Variants in FAM13C observed in about 807,000 individuals in gnomAD.
FAM13C encodes the protein protein FAM13C.
FAM13C carries 37 observed loss-of-function variants against 73.2 expected under a neutral mutation model. The ratio of observed to expected loss-of-function variants is 0.51; its 90% CI spans 0.39 to 0.67. The LOEUF is 0.67. FAM13C is among the 30% of genes least tolerant of loss of function. The probability of loss-of-function intolerance (pLI) is 0.00; values close to 1 mark genes in which losing one functional copy is unlikely to be tolerated. For missense variants in FAM13C, 589 were observed against 715.6 expected (o/e 0.82, Z 2.02); for synonymous variants, 246 against 260.9 (o/e 0.94, Z 0.55).
rs1405347074 is a variant in FAM13C at position 59,302,870 on chromosome 10, A to C, written c.444-6T>G. On this transcript the variant is annotated splice_region_variant and splice_polypyrimidine_tract_variant and intron_variant, in intron 4 of 13. Transcript: ENST00000618804. ...TGGCAGTCCTCTGGTCTATTCTATA[A>C]AATACAAAGAAAAATTATTTCCATT... 2.5e-6 allele frequency: 4 copies of C among 1,611,148 alleles called. No homozygotes were observed. In the Admixed American group the frequency reaches 6.7e-5, roughly 27 times the overall value.
intron 3 of FAM13C, among the ~76,000 whole-genome samples, chr10:59,345,708 T>TC (rs1854207813): frequency 6.6e-6 from 1 of 152,082 alleles, no homozygotes; most frequent in Non-Finnish European, 1.5e-5. Context: ...CAGAGCCCTG[T>TC]CCCCCGAATC....
At chr10:59,278,111 C>G (rs1473962560) in intron 6 of FAM13C, among the ~76,000 whole-genome samples, 2 of 152,158 alleles carry the variant, frequency 1.3e-5, no homozygotes, top group African/African-American at 4.8e-5. Flanking sequence ...GGAAACTCCC[C>G]TTTTGAAAAC....
Position 59,345,565 on chromosome 10 carries a change from C to T in FAM13C, c.324+6705G>A, listed in dbSNP as rs560706226. ...CCCTCCTAAAAATACCATTTTTCAT[C>T]GGCTTAATCATTAAGCCTTAACAAT... On this transcript the variant is annotated intron_variant, in intron 3 of 13. Coordinates refer to ENST00000618804, the MANE Select transcript of FAM13C (RefSeq NM_198215.4). Among the ~76,000 whole-genome samples, 18 of 152,258 alleles carry T rather than the reference C, an allele frequency of 1.2e-4. 1 individual carries two copies. The South Asian group carries it at 1.2e-3, about 11-fold the overall frequency.
At chr10:59,293,069 CTTTTTTTTTTTTTTT>C (rs148715812) in intron 5 of FAM13C, among the ~76,000 whole-genome samples, 1 of 109,538 alleles carries the variant, frequency 9.1e-6, no homozygotes, top group African/African-American at 3.9e-5. Context: ...TTTTCTTTTT[CTTTTTTTTTTTTTTT>C]TTTTTTTGAG....
chr10:59,353,251 T>C (rs1855305058), intron 2 of FAM13C, among the ~76,000 whole-genome samples: 1 of 152,170 alleles, frequency 6.6e-6, no homozygotes, highest in Admixed American at 6.5e-5. Flanking sequence ...TACAATTTTC[T>C]CAAAAATACT....
chr10:59,335,199 AT>A (rs1852558724), intron 3 of FAM13C, among the ~76,000 whole-genome samples: 1 of 152,196 alleles, frequency 6.6e-6, no homozygotes, highest in South Asian at 2.1e-4. Context: ...AGTAGAATAT[AT>A]TCCCCCAGAG....
intron 10 of FAM13C, 94 bp downstream of exon 10, chr10:59,262,340 G>C: frequency 8.8e-7 from 1 of 1,136,756 alleles, no homozygotes; most frequent in Admixed American, 2.2e-5. Context: ...TAAAAATATT[G>C]ATGTAATGGC....
In FAM13C at chr10:59,338,286, C is replaced by T. The variant is rs1853013658; in HGVS notation, c.324+13984G>A. Reference sequence around the variant, plus strand: ...ACTGCCTGTTCCTCTCACTGTTTCCCCAGGACAGATAACATGCCTGTCCCA... The same window carrying T: ...ACTGCCTGTTCCTCTCACTGTTTCCTCAGGACAGATAACATGCCTGTCCCA... On this transcript the variant is annotated intron_variant, in intron 3 of 13. Transcript: ENST00000618804. Among the ~76,000 whole-genome samples the T allele has an allele frequency of 5.9e-5, 9 of 152,102 alleles. No homozygotes were observed. The South Asian group carries it at 1.4e-3, about 24-fold the overall frequency.
At chr10:59,362,596 T>G (rs1856550497), upstream of FAM13C, 2 of 1,503,362 alleles carry the variant, frequency 1.3e-6, no homozygotes, top group Non-Finnish European at 1.8e-6. Context: ...TGTCTGCACA[T>G]GCTCGTAACG....
At chr10:59,294,664 T>C (rs965645850) in intron 5 of FAM13C, among the ~76,000 whole-genome samples, 1 of 152,216 alleles carries the variant, frequency 6.6e-6, no homozygotes, top group African/African-American at 2.4e-5. Context: ...CATTCAGAAC[T>C]TTTTTGCCAT....
rs183021685 is a variant in FAM13C, at chr10:59,296,437, A to T, written c.507+6364T>A. 1.2e-3 allele frequency among the ~76,000 whole-genome samples: 190 copies of T among 152,338 alleles called. 1 individual carries two copies. Among genetic ancestry groups the T allele is most frequent in the African/African-American group, 4.4e-3 (185 of 41,582 alleles). ...AAAGTTTAGTTATTATGACCAGCAT[A>T]ATTGAACAGATAAGAGTTAACAGTA... On this transcript the variant is annotated intron_variant, in intron 5 of 13. Transcript: ENST00000618804.
chr10:59,294,609 T>C (rs889772695), intron 5 of FAM13C, among the ~76,000 whole-genome samples: 4 of 152,194 alleles, frequency 2.6e-5, no homozygotes, highest in Admixed American at 2.6e-4. Context: ...GCAGGCTAGA[T>C]ACCTGCATCT....
chr10:59,254,022 T>C (rs970977549), intron 11 of FAM13C: 1 of 314,764 alleles, frequency 3.2e-6, no homozygotes, highest in Non-Finnish European at 5.7e-6. Context: ...AAAGGCTCTG[T>C]TTTGTCTAGC....
chr10:59,337,407 C>T (rs1278849935), intron 3 of FAM13C, among the ~76,000 whole-genome samples: 1 of 152,198 alleles, frequency 6.6e-6, no homozygotes, highest in Non-Finnish European at 1.5e-5. Context: ...GCTGACTTGC[C>T]TGGGCATGTG....
At chr10:59,316,541 C>T (rs1849549696) in intron 4 of FAM13C, among the ~76,000 whole-genome samples, 1 of 152,088 alleles carries the variant, frequency 6.6e-6, no homozygotes, top group African/African-American at 2.4e-5. Flanking sequence ...CGTTGTTGTG[C>T]AAACACCACA....
At chr10:59,324,489 TATGA>T (rs1456655395) in intron 3 of FAM13C, among the ~76,000 whole-genome samples, 1 of 151,966 alleles carries the variant, frequency 6.6e-6, no homozygotes, top group Non-Finnish European at 1.5e-5. Flanking sequence ...TAAACATATG[TATGA>T]ATGTTCACAC....
At position 59,352,311 on chromosome 10, in the gene FAM13C, T is replaced by C; in HGVS notation, c.283A>G (p.Ile95Val). Residue 95 changes from isoleucine to valine, a missense_variant, in exon 3 of 14, where the codon ATC becomes GTC. By Grantham distance (29) the Ile-to-Val change is conservative. Transcript: ENST00000618804. ...GNFKSRKPKSIFKAESGRSHG... is the reference protein window; with the variant it reads ...GNFKSRKPKSVFKAESGRSHG... ...CTCCTCCCGCTCTCCGCTTTGAAGA[T>C]GGACTTGGGCTTCCTGGACTTGAAG... The C allele has an allele frequency of 6.2e-7, 1 of 1,614,184 alleles. No homozygotes were observed. The highest frequency in any genetic ancestry group is 8.5e-7 in the Non-Finnish European group (1 of 1,180,032).
intron 4 of FAM13C, among the ~76,000 whole-genome samples, chr10:59,317,909 A>G (rs1258737598): frequency 4.8e-5 from 7 of 146,340 alleles, no homozygotes; most frequent in Non-Finnish European, 7.5e-5. Flanking sequence ...CCCACCCCAC[A>G]ACAGTCCCCA....
At chr10:59,256,287 G>A (rs1175582980) in intron 10 of FAM13C, among the ~76,000 whole-genome samples, 2 of 152,152 alleles carry the variant, frequency 1.3e-5, no homozygotes, top group Non-Finnish European at 1.5e-5. Context: ...TTCATAGAAA[G>A]TATTTCAGAT....
Sources: gnomAD v4.1 joint callset for allele counts (sites outside exome capture counted in the v4.1 genomes callset) on GRCh38, gnomAD v4.1.1 for gene constraint, MANE v1.5 for transcripts, NCBI Gene and HGNC (gene_info 2026-07-23, HGNC 2026-07-21) for gene names.